Variants in INPP4B observed in about 807,000 individuals in gnomAD.
INPP4B encodes the protein inositol polyphosphate-4-phosphatase type II B, also known as inositol polyphosphate 4-phosphatase type II.
A neutral mutation model predicts 122.5 loss-of-function variants in INPP4B; 55 were observed. The ratio of observed to expected loss-of-function variants is 0.45; its 90% CI spans 0.36 to 0.56. The LOEUF is 0.56. Ranked by LOEUF, INPP4B falls within the 20% of genes least tolerant of loss-of-function variation. INPP4B has a pLI of 0.00. For missense variants in INPP4B, 1,000 were observed against 1,097.7 expected (o/e 0.91, Z 1.26); for synonymous variants, 403 against 388.7 (o/e 1.04, Z -0.43).
At chr4:142,737,793 G>T (rs1347675109) in intron 1 of INPP4B, among the ~76,000 whole-genome samples, 5 of 152,164 alleles carry the variant, frequency 3.3e-5, no homozygotes, top group Non-Finnish European at 5.9e-5. Flanking sequence ...CAAAAAGTGA[G>T]CGAAGGATAT....
chr4:142,088,335 T>C (rs948205619), intron 23 of INPP4B, among the ~76,000 whole-genome samples: 1 of 152,226 alleles, frequency 6.6e-6, no homozygotes, highest in Non-Finnish European at 1.5e-5. Flanking sequence ...CTTTTAATGT[T>C]GATAAATGGC....
chr4:142,181,836 G>A (rs1830915156), intron 15 of INPP4B, among the ~76,000 whole-genome samples: 1 of 152,058 alleles, frequency 6.6e-6, no homozygotes, highest in Admixed American at 6.6e-5. Context: ...CTGACTACTA[G>A]GCAGAACGAT....
intron 1 of INPP4B, among the ~76,000 whole-genome samples, chr4:142,834,526 G>C (rs188360955): frequency 1.3e-5 from 2 of 152,234 alleles, no homozygotes; most frequent in Non-Finnish European, 2.9e-5. Context: ...TGGAGCATGG[G>C]AATAGTAAAA....
At chr4:142,136,487 A>G (rs993180144) in intron 18 of INPP4B, among the ~76,000 whole-genome samples, 1 of 152,258 alleles carries the variant, frequency 6.6e-6, no homozygotes, top group African/African-American at 2.4e-5. Flanking sequence ...TCACAGCCTT[A>G]GCCTGGATGA....
intron 2 of INPP4B, among the ~76,000 whole-genome samples, chr4:142,637,268 A>G (rs930418916): frequency 6.6e-6 from 1 of 152,200 alleles, no homozygotes; most frequent in East Asian, 1.9e-4. Flanking sequence ...TGACATATGT[A>G]TAATGAGGAT....
At chr4:142,477,006 G>A (rs912046721) in intron 2 of INPP4B, among the ~76,000 whole-genome samples, 49 of 151,946 alleles carry the variant, frequency 3.2e-4, no homozygotes, top group African/African-American at 1.1e-3. Context: ...TCTTCTCATC[G>A]GAACATGGCA....
chr4:142,582,098 G>T (rs1735206009), intron 2 of INPP4B, among the ~76,000 whole-genome samples: 1 of 151,860 alleles, frequency 6.6e-6, no homozygotes, highest in South Asian at 2.1e-4. Context: ...TACACCTGCT[G>T]CTGCCAATTT....
At chr4:142,082,330 T>A in intron 24 of INPP4B, 145 bp from the exon 25 acceptor site, 1 of 592,792 alleles carries the variant, frequency 1.7e-6, no homozygotes, top group Non-Finnish European at 2.7e-6. Context: ...TCAATCGGTC[T>A]CATCAAATGT....
chr4:142,199,727 G>A (rs78169791), intron 14 of INPP4B, among the ~76,000 whole-genome samples: 4,514 of 151,962 alleles, frequency 0.03, 210 homozygotes, highest in African/African-American at 0.1. Flanking sequence ...TCCTCAGCTT[G>A]GGTTTCTCTT....
intron 11 of INPP4B, among the ~76,000 whole-genome samples, chr4:142,245,069 G>T (rs577927111): frequency 6.0e-4 from 91 of 151,404 alleles, no homozygotes; most frequent in African/African-American, 2.2e-3. Context: ...TTTTGGATGG[G>T]TTTTTTTTCT....
At chr4:142,191,034 T>G (rs1263467613) in intron 15 of INPP4B, among the ~76,000 whole-genome samples, 5 of 151,994 alleles carry the variant, frequency 3.3e-5, no homozygotes, top group South Asian at 2.1e-4. Flanking sequence ...ATAGATTAAG[T>G]CAACTCTCAA....
intron 5 of INPP4B, among the ~76,000 whole-genome samples, chr4:142,415,498 AAAC>A (rs1472846358): frequency 1.3e-5 from 2 of 152,026 alleles, no homozygotes; most frequent in Non-Finnish European, 2.9e-5. Context: ...AAAAGTCAGG[AAAC>A]AACAGGTGCT....
At chr4:142,062,110 A>C (rs1249081753) in intron 25 of INPP4B, among the ~76,000 whole-genome samples, 1 of 152,094 alleles carries the variant, frequency 6.6e-6, no homozygotes, top group Admixed American at 6.6e-5. Flanking sequence ...CTATTTCCTC[A>C]AACACAGAGA....
chr4:142,561,880 C>T (rs1022180701), intron 2 of INPP4B, among the ~76,000 whole-genome samples: 2 of 152,266 alleles, frequency 1.3e-5, no homozygotes, highest in South Asian at 2.1e-4. Flanking sequence ...AAAAAAGGTT[C>T]TGTCTAAAGC....
chr4:142,213,025 C>T (rs550583551), intron 12 of INPP4B, among the ~76,000 whole-genome samples: 1 of 152,142 alleles, frequency 6.6e-6, no homozygotes, highest in Admixed American at 6.5e-5. Context: ...TGCTGAAACA[C>T]ATTATGACTA....
chr4:142,246,109 T>C (rs1052016832), intron 11 of INPP4B, among the ~76,000 whole-genome samples: 64 of 142,046 alleles, frequency 4.5e-4, no homozygotes, highest in African/African-American at 1.2e-3. Context: ...TATACACACA[T>C]ATATATATGT....
intron 2 of INPP4B, among the ~76,000 whole-genome samples, chr4:142,468,810 C>A (rs991889167): frequency 6.6e-6 from 1 of 152,068 alleles, no homozygotes; most frequent in Non-Finnish European, 1.5e-5. Context: ...AACCTCTTTT[C>A]TTTATAAATA....
intron 25 of INPP4B, among the ~76,000 whole-genome samples, chr4:142,063,914 TTATGGTCTGAAA>T (rs1762246605): frequency 6.6e-6 from 1 of 152,208 alleles, no homozygotes; most frequent in Admixed American, 6.5e-5. Context: ...CCACTTTCCA[TTATGGTCTGAAA>T]TCATAACCTC....
intron 7 of INPP4B, among the ~76,000 whole-genome samples, chr4:142,367,502 T>A (rs1441258593): frequency 3.3e-5 from 5 of 152,074 alleles, no homozygotes; most frequent in African/African-American, 9.7e-5. Flanking sequence ...TATCAGTCTG[T>A]CTAGAGGGTG....
Sources: gnomAD v4.1 joint callset for allele counts (sites outside exome capture counted in the v4.1 genomes callset) on GRCh38, gnomAD v4.1.1 for gene constraint, MANE v1.5 for transcripts, NCBI Gene and HGNC (gene_info 2026-07-23, HGNC 2026-07-21) for gene names.